The following TENM3 variants were observed in gnomAD, a reference collection of about 807,000 sequenced individuals.
TENM3 encodes teneurin transmembrane protein 3, also known as teneurin-3.
Under a neutral mutation model 255.1 loss-of-function variants are expected in TENM3, and 63 were observed. The ratio of observed to expected loss-of-function variants is 0.25; its 90% CI spans 0.20 to 0.30. The LOEUF (loss-of-function observed/expected upper bound fraction) is 0.30. TENM3 is among the 10% of genes least tolerant of loss of function. The pLI is 1.00. For synonymous variants in TENM3, 1,306 were observed against 1,322.3 expected (o/e 0.99, Z 0.27); for missense variants, 2,929 against 3,461.1 (o/e 0.85, Z 3.86).
At chr4:182,577,268 T>C (rs570060886) in intron 3 of TENM3, among the ~76,000 whole-genome samples, 8 of 152,316 alleles carry the variant, frequency 5.3e-5, no homozygotes, top group African/African-American at 1.9e-4. Context: ...GCAATAAATA[T>C]AGTGTAGTAG....
chr4:181,459,479 G>A, the TENM3 span, among the ~76,000 whole-genome samples: 4 of 151,556 alleles, frequency 2.6e-5, no homozygotes, highest in Non-Finnish European at 5.9e-5. Context: ...CATAATTTTG[G>A]TTTTCATATT....
chr4:181,541,506 G>T, the TENM3 span, among the ~76,000 whole-genome samples: 1 of 152,112 alleles, frequency 6.6e-6, no homozygotes, highest in Admixed American at 6.5e-5. Flanking sequence ...ATGAGTCATG[G>T]AACTCTCTCC....
chr4:182,345,946 T>C (rs575272972), intron 2 of TENM3, among the ~76,000 whole-genome samples: 1 of 152,194 alleles, frequency 6.6e-6, no homozygotes, highest in Non-Finnish European at 1.5e-5. Context: ...ACAGATGTTT[T>C]CAGGTGTGTA....
At chr4:182,392,504 G>A (rs1171104835) in intron 3 of TENM3, among the ~76,000 whole-genome samples, 2 of 152,188 alleles carry the variant, frequency 1.3e-5, no homozygotes, top group African/African-American at 4.8e-5. Flanking sequence ...TCCATAACCA[G>A]CATTTTTGGA....
chr4:182,331,602 A>G (rs2063907), intron 2 of TENM3, among the ~76,000 whole-genome samples: 107,448 of 152,006 alleles, frequency 0.71, 38,194 homozygotes, highest in Admixed American at 0.82. Context: ...CAATTGTTTC[A>G]TAAAAGTTAT....
chr4:182,025,328 A>G, the TENM3 span, among the ~76,000 whole-genome samples: 1 of 152,094 alleles, frequency 6.6e-6, no homozygotes, highest in Non-Finnish European at 1.5e-5. Flanking sequence ...ACGCCTGGCT[A>G]GGATTTCATT....
chr4:182,100,640 TATATATACAC>T, the TENM3 span, among the ~76,000 whole-genome samples: 2 of 50,836 alleles, frequency 3.9e-5, no homozygotes, highest in East Asian at 4.8e-4. Context: ...TATATACACA[TATATATACAC>T]ATATATACAC....
intron 1 of TENM3, among the ~76,000 whole-genome samples, chr4:182,179,991 G>T (rs1752743312): frequency 6.6e-6 from 1 of 152,002 alleles, no homozygotes; most frequent in African/African-American, 2.4e-5. Context: ...CTAAGGGCAG[G>T]AATCCACTTC....
rs28516565 is a variant in TENM3 at position 182,169,084 on chromosome 4, C to T, written c.-76+24330C>T. ...CATATAATCATGCCATACACACACACACACACACACACACACACACGTGGG... is the reference window on the plus strand; with the variant it reads ...CATATAATCATGCCATACACACACATACACACACACACACACACACGTGGG... On this transcript the variant is annotated intron_variant, in intron 1 of 2. Transcript: ENST00000512480. Among the ~76,000 whole-genome samples, 8 of 117,642 alleles carry T rather than the reference C, an allele frequency of 6.8e-5. No individual in the cohort carries two copies. The South Asian group carries it at 8.5e-4, about 13-fold the overall frequency. 77.2% of individuals were successfully genotyped at this position (117,642 alleles called of 152,430 possible). A position where few individuals can be genotyped will look rare whatever the true frequency, so the allele number is the denominator to read the frequency against.
the TENM3 span, among the ~76,000 whole-genome samples, chr4:181,703,912 G>A: frequency 1.4e-4 from 21 of 152,062 alleles, no homozygotes; most frequent in East Asian, 3.9e-4. Context: ...TTCAGTGTCC[G>A]CTTGCATAAG....
chr4:182,049,811 C>A, the TENM3 span, among the ~76,000 whole-genome samples: 1 of 151,998 alleles, frequency 6.6e-6, no homozygotes, highest in African/African-American at 2.4e-5. Flanking sequence ...TGGCTATACA[C>A]AAATATCTCT....
At chr4:182,768,401 C>T (rs902948663) in intron 22 of TENM3, among the ~76,000 whole-genome samples, 1 of 152,116 alleles carries the variant, frequency 6.6e-6, no homozygotes, top group South Asian at 2.1e-4. Context: ...CAGTCTAAAT[C>T]ACTTGATTTT....
At chr4:181,612,362 C>T in the TENM3 span, among the ~76,000 whole-genome samples, 1 of 152,102 alleles carries the variant, frequency 6.6e-6, no homozygotes, top group African/African-American at 2.4e-5. Context: ...CATTTCAGTC[C>T]TCATGGTATT....
rs540021273 is a variant in TENM3 at position 182,761,735 on chromosome 4, G to A, written c.4892+6476G>A. Among the ~76,000 whole-genome samples the A allele has an allele frequency of 8.5e-5, 13 of 152,150 alleles. No homozygotes were observed. In the South Asian group the frequency reaches 2.7e-3, roughly 32 times the overall value. On this transcript the variant is annotated intron_variant, in intron 22 of 27. Transcript: ENST00000511685. ...GAGTTTAAGAATGATTTGCAAGAGA[G>A]TTTATCAGCAGATCACTTAAAATCA...
chr4:182,747,103 G>A (rs1248439618), intron 19 of TENM3, among the ~76,000 whole-genome samples: 3 of 152,116 alleles, frequency 2.0e-5, no homozygotes, highest in Admixed American at 1.3e-4. Context: ...AGTCATGAGA[G>A]GCTTAGGAAC....
At chr4:182,691,584 T>C (rs1412701347) in intron 12 of TENM3, among the ~76,000 whole-genome samples, 1 of 152,234 alleles carries the variant, frequency 6.6e-6, no homozygotes, top group East Asian at 1.9e-4. Context: ...TATTAGAGTA[T>C]TCATATTTTC....
chr4:181,846,433 G>A, the TENM3 span, among the ~76,000 whole-genome samples: 207 of 152,158 alleles, frequency 1.4e-3, 1 homozygote, highest in Non-Finnish European at 2.3e-3. Context: ...TCTCTCCAGG[G>A]AAGACTGTGG....
intron 3 of TENM3, among the ~76,000 whole-genome samples, chr4:182,552,342 A>G (rs1742132505): frequency 6.6e-6 from 1 of 152,210 alleles, no homozygotes; most frequent in African/African-American, 2.4e-5. Flanking sequence ...TTGGAGTTCC[A>G]ATGATTGTCA....
At chr4:182,771,028 A>G (rs1221136671) in intron 22 of TENM3, among the ~76,000 whole-genome samples, 4 of 152,210 alleles carry the variant, frequency 2.6e-5, no homozygotes, top group Non-Finnish European at 5.9e-5. Flanking sequence ...TACAAAGGTT[A>G]CTTGTATTTT....
Sources: allele counts gnomAD v4.1 joint callset (sites outside exome capture counted in the v4.1 genomes callset), GRCh38; gene constraint gnomAD v4.1.1; transcripts MANE v1.5; gene names NCBI Gene and HGNC (gene_info 2026-07-23, HGNC 2026-07-21).